CRPPA: variants seen among roughly 807,000 people sequenced by gnomAD.
CRPPA encodes CDP-L-ribitol pyrophosphorylase A.
Under a neutral mutation model 52.0 loss-of-function variants are expected in CRPPA, and 43 were observed. The ratio of observed to expected loss-of-function variants is 0.83; its 90% CI spans 0.65 to 1.07. CRPPA has a LOEUF of 1.07. CRPPA is among the 50% of genes least tolerant of loss of function. The pLI is 0.00. For synonymous variants in CRPPA, 250 were observed against 203.5 expected, an observed-to-expected ratio of 1.23 and a Z score of -1.94; for missense variants, 629 against 551.7, an observed-to-expected ratio of 1.14 and a Z score of -1.40.
intron 2 of CRPPA, among the ~76,000 whole-genome samples, chr7:16,405,295 C>A (rs547391709): frequency 1.3e-5 from 2 of 152,126 alleles, no homozygotes; most frequent in East Asian, 3.9e-4. Flanking sequence ...CCTAAAATGA[C>A]CTTACAAGTA....
intron 8 of CRPPA, among the ~76,000 whole-genome samples, chr7:16,240,166 G>T (rs1205169612): frequency 2.7e-5 from 4 of 150,788 alleles, no homozygotes; most frequent in African/African-American, 9.8e-5. Flanking sequence ...CTACTAGAAT[G>T]ATTTCATCAT....
intron 2 of CRPPA, among the ~76,000 whole-genome samples, chr7:16,387,604 C>T (rs1410197690): frequency 1.3e-5 from 2 of 151,364 alleles, no homozygotes; most frequent in South Asian, 2.1e-4. Context: ...CAAGAGACAA[C>T]TATGATTCAA....
chr7:16,385,528 C>T (rs1787238067), intron 2 of CRPPA, among the ~76,000 whole-genome samples: 1 of 152,068 alleles, frequency 6.6e-6, no homozygotes, highest in African/African-American at 2.4e-5. Context: ...CCAGCAAAAC[C>T]AGTATTTCAC....
At chr7:16,193,301 A>C (rs1041173904) in intron 9 of CRPPA, among the ~76,000 whole-genome samples, 7 of 152,076 alleles carry the variant, frequency 4.6e-5, no homozygotes, top group Admixed American at 1.3e-4. Flanking sequence ...ACTATAAGTG[A>C]GATTGTTTAC....
At chr7:16,412,134 C>G (rs1175139670) in intron 1 of CRPPA, among the ~76,000 whole-genome samples, 9 of 152,144 alleles carry the variant, frequency 5.9e-5, no homozygotes, top group Admixed American at 5.2e-4. Context: ...TAATTACAAA[C>G]AGACACTTAT....
At chr7:16,231,457 A>G (rs1447214341) in intron 8 of CRPPA, among the ~76,000 whole-genome samples, 1 of 152,180 alleles carries the variant, frequency 6.6e-6, no homozygotes, top group African/African-American at 2.4e-5. Flanking sequence ...AAACAAAAGC[A>G]GTGCTTATAT....
At chr7:16,290,810 G>C (rs74748043) in intron 5 of CRPPA, among the ~76,000 whole-genome samples, 5,173 of 152,004 alleles carry the variant, frequency 0.034, 287 homozygotes, top group African/African-American at 0.12. Flanking sequence ...AAAGGAAAAA[G>C]CTTCTGCACA....
In CRPPA at chr7:16,087,777, C is replaced by G. The variant is rs1270372501; in HGVS notation, c.*3918G>C. 6.6e-6 allele frequency: 1 copy of G among 152,128 alleles called. No individual in the cohort carries two copies. Among genetic ancestry groups the G allele is most frequent in the East Asian group, 1.9e-4 (1 of 5,204 alleles). 9.4% of individuals were successfully genotyped at this position (152,128 alleles called of 1,614,324 possible). On this transcript the variant is annotated 3_prime_UTR_variant, in exon 10 of 10. Transcript: ENST00000407010. Reference sequence around the variant, plus strand: ...TTAAAATGCTTCATTATTCTGTTTTCAAATTAAACTTTCTAAATAACTTCT... The same window carrying G: ...TTAAAATGCTTCATTATTCTGTTTTGAAATTAAACTTTCTAAATAACTTCT...
chr7:16,106,583 G>A (rs1357339570), intron 9 of CRPPA, among the ~76,000 whole-genome samples: 9 of 152,208 alleles, frequency 5.9e-5, no homozygotes, highest in Admixed American at 3.9e-4. Context: ...CCCGTCTGGG[G>A]TTGTTACCAG....
intron 9 of CRPPA, among the ~76,000 whole-genome samples, chr7:16,212,736 T>A (rs190954650): frequency 9.2e-5 from 14 of 152,300 alleles, no homozygotes; most frequent in Non-Finnish European, 1.3e-4. Context: ...TAGGCTTTAA[T>A]GTGGAAGTTC....
At chr7:16,131,339 C>A (rs1403018777) in intron 9 of CRPPA, among the ~76,000 whole-genome samples, 1 of 152,022 alleles carries the variant, frequency 6.6e-6, no homozygotes, top group South Asian at 2.1e-4. Flanking sequence ...AATAAGTGTT[C>A]CTGAATACAA....
At chr7:16,250,699 T>G (rs1175421303) in intron 8 of CRPPA, among the ~76,000 whole-genome samples, 1 of 152,220 alleles carries the variant, frequency 6.6e-6, no homozygotes, top group Non-Finnish European at 1.5e-5. Context: ...CCACCAGGCC[T>G]GCCTTACAAG....
intron 3 of CRPPA, among the ~76,000 whole-genome samples, chr7:16,359,175 G>A (rs1000293905): frequency 3.9e-5 from 6 of 152,182 alleles, no homozygotes; most frequent in Non-Finnish European, 7.3e-5. Context: ...AAGCTGGAGT[G>A]CAGTGGTGCA....
chr7:16,124,276 T>G (rs777060839), intron 9 of CRPPA, among the ~76,000 whole-genome samples: 2 of 152,138 alleles, frequency 1.3e-5, no homozygotes, highest in Non-Finnish European at 2.9e-5. Context: ...GTGGTTTAGA[T>G]TTGCTAATGA....
chr7:16,399,058 A>T (rs1197154763), intron 2 of CRPPA, among the ~76,000 whole-genome samples: 1 of 152,198 alleles, frequency 6.6e-6, no homozygotes, highest in Non-Finnish European at 1.5e-5. Context: ...AGCGATTCAC[A>T]ATTGGTGCAT....
At chr7:16,107,984 G>A (rs892053827) in intron 9 of CRPPA, among the ~76,000 whole-genome samples, 19 of 151,380 alleles carry the variant, frequency 1.3e-4, no homozygotes, top group Admixed American at 6.6e-5. Flanking sequence ...TAACCACAAA[G>A]AAAAAATATT....
chr7:16,372,993 C>T (rs1057075760), intron 3 of CRPPA, among the ~76,000 whole-genome samples: 1 of 152,048 alleles, frequency 6.6e-6, no homozygotes, highest in African/African-American at 2.4e-5. Context: ...TGCTACAGAC[C>T]TCAATAGAGA....
chr7:16,419,279 G>A (rs1788271150), intron 1 of CRPPA, among the ~76,000 whole-genome samples: 1 of 152,204 alleles, frequency 6.6e-6, no homozygotes, highest in Admixed American at 6.5e-5. Context: ...AACTGCCTTT[G>A]TGAAAATTAT....
At chr7:16,386,354 T>G (rs1017171279) in intron 2 of CRPPA, among the ~76,000 whole-genome samples, 10 of 152,138 alleles carry the variant, frequency 6.6e-5, no homozygotes, top group African/African-American at 2.4e-4. Flanking sequence ...TTGGGGCTTA[T>G]GTAGGTACAG....
Sources: allele counts gnomAD v4.1 joint callset (sites outside exome capture counted in the v4.1 genomes callset), GRCh38; gene constraint gnomAD v4.1.1; transcripts MANE v1.5; gene names NCBI Gene and HGNC (gene_info 2026-07-23, HGNC 2026-07-21).